The following PROCR variants were observed in gnomAD, a reference collection of about 807,000 sequenced individuals.
The protein encoded by PROCR is protein C receptor, also known as endothelial protein C receptor.
A neutral mutation model predicts 24.2 loss-of-function variants in PROCR; 22 were observed. The ratio of observed to expected loss-of-function variants is 0.91; its 90% confidence interval spans 0.65 to 1.30. The LOEUF (loss-of-function observed/expected upper bound fraction) is 1.30. Ranked by LOEUF, PROCR falls within the 50% of genes most tolerant of loss-of-function variation. The probability of loss-of-function intolerance (pLI) is 0.00; values close to 1 mark genes in which losing one functional copy is unlikely to be tolerated. For synonymous variants in PROCR, 137 were observed against 139.2 expected (o/e 0.98, Z 0.11); for missense variants, 288 against 307.7 (o/e 0.94, Z 0.48).
intron 2 of PROCR, among the ~76,000 whole-genome samples, chr20:35,175,285 C>T: frequency 6.6e-6 from 1 of 151,686 alleles, no homozygotes; most frequent in Non-Finnish European, 1.5e-5. Flanking sequence ...TCCTTTTCTT[C>T]ATAGATCTCC....
downstream of PROCR, among the ~76,000 whole-genome samples, chr20:35,178,414 T>TTA (rs2086043594): frequency 2.0e-5 from 1 of 49,818 alleles, no homozygotes; most frequent in Non-Finnish European, 3.4e-5. Flanking sequence ...TTTTTAATTC[T>TTA]AAAAAAAAAA....
intron 1 of PROCR, among the ~76,000 whole-genome samples, chr20:35,205,806 TATATGTAC>T (rs1189327787): frequency 4.3e-5 from 6 of 140,796 alleles, no homozygotes; most frequent in Admixed American, 3.6e-4. Flanking sequence ...TACACACATA[TATATGTAC>T]ATATATACAT....
intron 1 of PROCR, among the ~76,000 whole-genome samples, chr20:35,214,107 A>T (rs1268862155): frequency 2.0e-5 from 3 of 152,006 alleles, no homozygotes; most frequent in Non-Finnish European, 4.4e-5. Context: ...AAAAAAAATT[A>T]AAAAATAAAA....
chr20:35,207,932 C>CTTTT (rs11471665), intron 1 of PROCR, among the ~76,000 whole-genome samples: 1 of 151,658 alleles, frequency 6.6e-6, no homozygotes, highest in African/African-American at 2.4e-5. Flanking sequence ...TAAGTTATTC[C>CTTTT]GTCTCAAGAA....
Position 35,174,857 on chromosome 20 carries a change from C to T in PROCR, c.226C>T (p.Pro76Ser), listed in dbSNP as rs755138675. Reference sequence around the variant, plus strand: ...CATTCAGCTGCAGCCCTTGCAGGAGCCCGAGAGCTGGGCGCGCACGCAGAG... The same window carrying T: ...CATTCAGCTGCAGCCCTTGCAGGAGTCCGAGAGCTGGGCGCGCACGCAGAG... ...TIIQLQPLQE[P>S]ESWARTQSGL... is the part of the protein sequence containing the mutation. The change falls in exon 2 of 4, where the codon CCC (proline) becomes TCC (serine). Residue 76 changes from proline to serine, a missense_variant. Physicochemically the swap from Pro to Ser is moderately conservative, Grantham distance 74 (BLOSUM62 -1). Transcript: ENST00000216968. 2 of 1,613,894 alleles carry T rather than the reference C, an allele frequency of 1.2e-6. No homozygotes were observed. The highest frequency in any genetic ancestry group is 1.7e-6 in the Non-Finnish European group (2 of 1,179,936).
At chr20:35,188,130 G>T (rs1326846742) in intron 1 of PROCR, among the ~76,000 whole-genome samples, 1 of 152,144 alleles carries the variant, frequency 6.6e-6, no homozygotes, top group East Asian at 1.9e-4. Flanking sequence ...TCTCTGCCAG[G>T]TGGCCTGAGG....
At chr20:35,210,899 G>A (rs994277284) in intron 1 of PROCR, among the ~76,000 whole-genome samples, 1 of 152,050 alleles carries the variant, frequency 6.6e-6, no homozygotes, top group East Asian at 1.9e-4. Flanking sequence ...TTTTAGTAGA[G>A]ACAGGGTTTC....
intron 1 of PROCR, among the ~76,000 whole-genome samples, chr20:35,208,093 G>T (rs1482839187): frequency 6.6e-6 from 1 of 152,144 alleles, no homozygotes; most frequent in Non-Finnish European, 1.5e-5. Flanking sequence ...GATGTGCTTT[G>T]ATGGGAGAGA....
rs1265727300 is a variant in PROCR, at chr20:35,176,381, G to A, written c.536G>A (p.Arg179Gln). 1 of 1,614,210 alleles carries A rather than the reference G, an allele frequency of 6.2e-7. No homozygotes were observed. The highest frequency in any genetic ancestry group is 8.5e-7 in the Non-Finnish European group (1 of 1,180,034). ...NAYNRTRYEL[R>Q]EFLEDTCVQY... ...TACAACCGCACTCGGTATGAACTGC[G>A]GGAATTCCTGGAGGACACCTGTGTG... The change falls in exon 3 of 4, where the codon CGG becomes CAG. Residue 179 changes from arginine (R) to glutamine (Q), a missense_variant. Coordinates refer to ENST00000216968, the MANE Select transcript of PROCR (RefSeq NM_006404.5).
intron 1 of PROCR, 183 bp from the exon 2 acceptor site, chr20:35,174,519 C>A: frequency 1.3e-6 from 1 of 746,988 alleles, no homozygotes; most frequent in Non-Finnish European, 2.3e-6. Context: ...GATAATAATC[C>A]CTGTCCTGTC....
At chr20:35,178,510 T>TTG (rs1171835101), downstream of PROCR, among the ~76,000 whole-genome samples, 3 of 41,810 alleles carry the variant, frequency 7.2e-5, 1 homozygote, top group Non-Finnish European at 1.3e-4. Flanking sequence ...AGTCTCAGTT[T>TTG]TTTTTTTTTT....
At chr20:35,177,403 C>A (rs1438247553), downstream of PROCR, 4 of 950,128 alleles carry the variant, frequency 4.2e-6, no homozygotes, top group Non-Finnish European at 5.0e-6. Flanking sequence ...GGAAAAGTAA[C>A]CTATACCCAT....
chr20:35,187,917 T>C (rs892947157), intron 1 of PROCR, among the ~76,000 whole-genome samples: 16 of 152,210 alleles, frequency 1.1e-4, no homozygotes, highest in Non-Finnish European at 2.4e-4. Flanking sequence ...TTGGGAATGA[T>C]CTTAGAATGT....
chr20:35,181,500 C>G (rs1251394614), downstream of PROCR, among the ~76,000 whole-genome samples: 2 of 152,004 alleles, frequency 1.3e-5, no homozygotes, highest in East Asian at 3.9e-4. Flanking sequence ...GTCTTGAACT[C>G]CTGACCTCAT....
At chr20:35,178,360 C>T (rs1420019711), downstream of PROCR, among the ~76,000 whole-genome samples, 1 of 127,256 alleles carries the variant, frequency 7.9e-6, no homozygotes, top group Non-Finnish European at 1.6e-5. Flanking sequence ...GCTGAGATCA[C>T]ACCACTGCAC....
At position 35,172,126 on chromosome 20, in the gene PROCR, G is replaced by C; in HGVS notation, c.-29G>C. The C allele has an allele frequency of 2.5e-6, 4 of 1,613,258 alleles. No individual in the cohort carries two copies. Among genetic ancestry groups the C allele is most frequent in the Non-Finnish European group, 3.4e-6 (4 of 1,179,246 alleles). On this transcript the variant is annotated 5_prime_UTR_variant, in exon 1 of 4. Coordinates refer to ENST00000216968, the MANE Select transcript of PROCR (RefSeq NM_006404.5). The stretch of plus-strand genomic sequence containing the variant: ...GGAGCCCGCAGCCGGCCCGAGCCAG[G>C]AACCCAGGTCCGGAGCCTCAACTTC...
chr20:35,185,343 T>C (rs1159035463), intron 1 of PROCR, among the ~76,000 whole-genome samples: 1 of 152,166 alleles, frequency 6.6e-6, no homozygotes, highest in Non-Finnish European at 1.5e-5. Flanking sequence ...CTTAAAAAAC[T>C]AAAAGTAGAG....
chr20:35,188,733 AATGCC>A (rs2086147962), intron 1 of PROCR, among the ~76,000 whole-genome samples: 1 of 152,240 alleles, frequency 6.6e-6, no homozygotes. Context: ...CCAGATTAAG[AATGCC>A]ATGCTAAGAA....
intron 3 of PROCR, 97 bp downstream of exon 3, chr20:35,176,543 GC>G: frequency 6.3e-7 from 1 of 1,599,018 alleles, no homozygotes; most frequent in Non-Finnish European, 8.5e-7. Flanking sequence ...GCAACAAGAG[GC>G]CCACAGCTGG....
Sources: allele counts gnomAD v4.1 joint callset (sites outside exome capture counted in the v4.1 genomes callset), GRCh38; gene constraint gnomAD v4.1.1; transcripts MANE v1.5; gene names NCBI Gene and HGNC (gene_info 2026-07-23, HGNC 2026-07-21).